Variants in CGNL1 observed in about 807,000 individuals in gnomAD.
The protein encoded by CGNL1 is cingulin like 1, also known as cingulin-like protein 1.
In CGNL1, 132 loss-of-function variants were observed where a neutral mutation model predicts 141.2. The ratio of observed to expected loss-of-function variants is 0.93; its 90% CI spans 0.81 to 1.08. CGNL1 has a LOEUF of 1.08. Ranked by LOEUF, CGNL1 falls within the 50% of genes least tolerant of loss-of-function variation. CGNL1 has a pLI of 0.00. For synonymous variants in CGNL1, 690 were observed against 622.1 expected, an observed-to-expected ratio of 1.11 and a Z score of -1.63; for missense variants, 1,870 against 1,588.6, an observed-to-expected ratio of 1.18 and a Z score of -3.01.
chr15:57,451,979 T>C (rs2063327463), intron 5 of CGNL1, among the ~76,000 whole-genome samples, 162 bp from the exon 6 acceptor site: 1 of 152,240 alleles, frequency 6.6e-6, no homozygotes, highest in Admixed American at 6.5e-5. Context: ...TGTTTGATGT[T>C]CTTTCTAGTT....
chr15:57,496,600 T>C (rs934018328), intron 8 of CGNL1, among the ~76,000 whole-genome samples: 1 of 152,276 alleles, frequency 6.6e-6, no homozygotes, highest in South Asian at 2.1e-4. Context: ...CTTTACTCCA[T>C]TCCAAGTCTG....
intron 1 of CGNL1, among the ~76,000 whole-genome samples, chr15:57,415,339 T>C (rs1009447345): frequency 9.2e-5 from 14 of 152,140 alleles, no homozygotes; most frequent in African/African-American, 1.9e-4. Flanking sequence ...ACAAGAGTCC[T>C]TATATGGGAG....
At chr15:57,422,674 A>T (rs2062929157) in intron 1 of CGNL1, among the ~76,000 whole-genome samples, 1 of 152,170 alleles carries the variant, frequency 6.6e-6, no homozygotes, top group African/African-American at 2.4e-5. Flanking sequence ...TTACATTATT[A>T]TTATTATTGC....
intron 8 of CGNL1, among the ~76,000 whole-genome samples, chr15:57,512,949 C>T (rs1037659053): frequency 6.8e-6 from 1 of 147,786 alleles, no homozygotes; most frequent in Non-Finnish European, 1.5e-5. Flanking sequence ...TTTGTTTACC[C>T]TTTTTTTTTT....
chr15:57,495,779 T>G (rs961868117), intron 8 of CGNL1, among the ~76,000 whole-genome samples: 5 of 152,204 alleles, frequency 3.3e-5, no homozygotes, highest in African/African-American at 9.7e-5. Flanking sequence ...TTTTCCCTGA[T>G]GTAGATAGAC....
intron 10 of CGNL1, among the ~76,000 whole-genome samples, chr15:57,521,761 C>T (rs1370693240): frequency 6.6e-6 from 1 of 151,944 alleles, no homozygotes; most frequent in East Asian, 1.9e-4. Flanking sequence ...ATGCACGAAC[C>T]ACATGGAGGC....
At position 57,461,817 on chromosome 15, in the gene CGNL1, G is replaced by A. The variant is rs1384224692; in HGVS notation, c.2328G>A (p.Gln776=). ...ALKEEVSSHD[Q]EMDKLKEQYD... is the part of the protein sequence containing the mutation. Reference sequence around the variant, plus strand: ...AAGAAGAGGTTTCCAGCCATGATCAGGAGATGGACAAGCTGAAGGAGCAAT... The same window carrying A: ...AAGAAGAGGTTTCCAGCCATGATCAAGAGATGGACAAGCTGAAGGAGCAAT... The change falls in exon 8 of 19, where the codon CAG becomes CAA. Residue 776 remains glutamine, a synonymous_variant. Coordinates refer to ENST00000281282, the MANE Select transcript of CGNL1 (RefSeq NM_032866.5). The A allele has an allele frequency of 7.4e-6, 12 of 1,614,020 alleles. No homozygotes were observed. The highest frequency in any genetic ancestry group is 9.3e-6 in the Non-Finnish European group (11 of 1,180,034).
chr15:57,515,972 C>A (rs542749561), intron 8 of CGNL1, among the ~76,000 whole-genome samples: 69 of 151,978 alleles, frequency 4.5e-4, no homozygotes, highest in African/African-American at 1.5e-3. Flanking sequence ...TCCTGGCTAA[C>A]ATGGTGAAAC....
rs1176902244 is a variant in CGNL1 at position 57,547,578 on chromosome 15, G to T, written c.*88G>T. 12 of 1,470,994 alleles carry T rather than the reference G, an allele frequency of 8.2e-6. No individual in the cohort carries two copies. In the Middle Eastern group the frequency reaches 9.3e-4, roughly 114 times the overall value. The allele number at this position is 1,470,994 out of a possible 1,614,324, so 91.1% of individuals were successfully genotyped here. A position where few individuals can be genotyped will look rare whatever the true frequency, so the allele number is the denominator to read the frequency against. ...GAGGCAGGGAGGGGAGCATCTGTCTGCCACTGAGACCAATCACAGCCTCTT... is the reference window on the plus strand; with the variant it reads ...GAGGCAGGGAGGGGAGCATCTGTCTTCCACTGAGACCAATCACAGCCTCTT... On this transcript the variant is annotated 3_prime_UTR_variant, in exon 19 of 19. Coordinates refer to ENST00000281282, the MANE Select transcript of CGNL1 (RefSeq NM_032866.5).
rs763961788 is a variant in CGNL1 at position 57,544,531 on chromosome 15, A to G, written c.3434A>G (p.Glu1145Gly). 6.2e-7 allele frequency: 1 copy of G among 1,612,630 alleles called. No individual in the cohort carries two copies. Among genetic ancestry groups the G allele is most frequent in the Non-Finnish European group, 8.5e-7 (1 of 1,179,462 alleles). Residue 1145 changes from glutamate to glycine, a missense_variant, in exon 16 of 19, where the codon GAG becomes GGG. By Grantham distance (98) the Glu-to-Gly change is moderately conservative. Coordinates refer to ENST00000281282, the MANE Select transcript of CGNL1 (RefSeq NM_032866.5). ...GAAGGTTCCTACAGGTCCAGCAAAGAGGGGCTGGTTGTGCAGATGGAGGCC... is the reference window on the plus strand; with the variant it reads ...GAAGGTTCCTACAGGTCCAGCAAAGGGGGGCTGGTTGTGCAGATGGAGGCC... ...HLEGSYRSSKEGLVVQMEARI... is the reference protein window; with the variant it reads ...HLEGSYRSSKGGLVVQMEARI...
intron 7 of CGNL1, among the ~76,000 whole-genome samples, chr15:57,460,050 G>T (rs1343891883): frequency 6.6e-6 from 1 of 152,164 alleles, no homozygotes; most frequent in Non-Finnish European, 1.5e-5. Flanking sequence ...AGAATGCAAA[G>T]TTGCAATCTT....
chr15:57,530,398 G>A (rs2031882339), intron 13 of CGNL1, among the ~76,000 whole-genome samples: 2 of 152,198 alleles, frequency 1.3e-5, no homozygotes, highest in African/African-American at 4.8e-5. Context: ...TGCGCTTGAG[G>A]GGTGTTTCGT....
At chr15:57,467,719 G>A (rs1338600595) in intron 8 of CGNL1, among the ~76,000 whole-genome samples, 1 of 115,668 alleles carries the variant, frequency 8.6e-6, no homozygotes, top group African/African-American at 3.3e-5. Flanking sequence ...GATGGAGTCT[G>A]ACTCTTGTTG....
rs1159266124 is a variant in CGNL1, at chr15:57,488,142, CTGA to C, written c.2403+26252_2403+26254del. Reference sequence around the variant, plus strand: ...CATCGTGGCTTTGATTTGCATTTCTCTGATAACTAATGATATCAAGTATCTTTT... The same window carrying C: ...CATCGTGGCTTTGATTTGCATTTCTCTAACTAATGATATCAAGTATCTTTT... On this transcript the variant is annotated intron_variant, in intron 8 of 18. Transcript: ENST00000281282. Among the ~76,000 whole-genome samples, 19 of 152,298 alleles carry C rather than the reference CTGA, an allele frequency of 1.2e-4. 1 individual carries two copies. In the South Asian group the frequency reaches 3.9e-3, roughly 32 times the overall value.
At chr15:57,509,982 C>T (rs1306154922) in intron 8 of CGNL1, among the ~76,000 whole-genome samples, 1 of 152,136 alleles carries the variant, frequency 6.6e-6, no homozygotes, top group Non-Finnish European at 1.5e-5. Context: ...CCTGACTTAC[C>T]CTTGAAATAA....
chr15:57,518,032 G>C (rs2030961489), intron 9 of CGNL1, among the ~76,000 whole-genome samples: 1 of 151,542 alleles, frequency 6.6e-6, no homozygotes, highest in African/African-American at 2.4e-5. Flanking sequence ...GGGCATGGTG[G>C]CTCATGCCTG....
At chr15:57,432,253 G>A (rs941640288) in intron 1 of CGNL1, among the ~76,000 whole-genome samples, 4 of 152,216 alleles carry the variant, frequency 2.6e-5, no homozygotes, top group Non-Finnish European at 5.9e-5. Context: ...GGAATGGCTG[G>A]TGAATATGCA....
intron 1 of CGNL1, chr15:57,398,208 A>G (rs1194727482): frequency 2.0e-5 from 3 of 152,246 alleles, no homozygotes; most frequent in African/African-American, 7.2e-5. Context: ...CAGTTCTACC[A>G]TGAAGATAAA....
chr15:57,524,555 G>T, intron 11 of CGNL1, 26 bp from the exon 12 acceptor site: 1 of 1,602,520 alleles, frequency 6.2e-7, no homozygotes, highest in East Asian at 2.2e-5. Flanking sequence ...CCCAGGGTGG[G>T]CTCACACCCG....
Sources: gnomAD v4.1 joint callset for allele counts (sites outside exome capture counted in the v4.1 genomes callset) on GRCh38, gnomAD v4.1.1 for gene constraint, MANE v1.5 for transcripts, NCBI Gene and HGNC (gene_info 2026-07-23, HGNC 2026-07-21) for gene names.